OSBPL10: variants seen among roughly 807,000 people sequenced by gnomAD.
OSBPL10 encodes the protein oxysterol binding protein like 10, also known as oxysterol-binding protein-related protein 10.
In OSBPL10, 49 loss-of-function variants were observed where a neutral mutation model predicts 81.7. That is an observed-to-expected ratio of 0.60 (90% CI 0.48 to 0.76). The LOEUF (loss-of-function observed/expected upper bound fraction) is 0.76. OSBPL10 is among the 30% of genes least tolerant of loss of function. The pLI is 0.00. For missense variants in OSBPL10, 923 were observed against 987.8 expected, an observed-to-expected ratio of 0.93 and a Z score of 0.88; for synonymous variants, 419 against 383.6, an observed-to-expected ratio of 1.09 and a Z score of -1.08.
intron 8 of OSBPL10, among the ~76,000 whole-genome samples, chr3:31,679,354 C>T (rs550915282): frequency 8.5e-5 from 13 of 152,268 alleles, no homozygotes; most frequent in South Asian, 6.2e-4. Context: ...GTCTTCTCTC[C>T]GACCCTCCTG....
chr3:31,837,754 A>G (rs1041193431), intron 3 of OSBPL10, among the ~76,000 whole-genome samples: 43 of 152,236 alleles, frequency 2.8e-4, no homozygotes, highest in African/African-American at 8.4e-4. Context: ...ATCAGAAAAT[A>G]GAAAATAAGA....
intron 1 of OSBPL10, among the ~76,000 whole-genome samples, chr3:31,980,501 TTCAC>T (rs2125505578): frequency 6.6e-6 from 1 of 152,302 alleles, no homozygotes; most frequent in Non-Finnish European, 1.5e-5. Flanking sequence ...CTAACGCTTT[TTCAC>T]CCCGGCACAA....
chr3:31,954,788 ATT>A (rs1301087190), intron 1 of OSBPL10, among the ~76,000 whole-genome samples: 14 of 152,262 alleles, frequency 9.2e-5, no homozygotes, highest in Non-Finnish European at 2.1e-4. Flanking sequence ...GAAAACAAAT[ATT>A]GTTAATGATA....
chr3:31,965,666 ATTTTATATAAT>A (rs1698346230), intron 1 of OSBPL10, among the ~76,000 whole-genome samples: 1 of 39,488 alleles, frequency 2.5e-5, no homozygotes, highest in Non-Finnish European at 4.3e-5. Flanking sequence ...TATATTATAT[ATTTTATATAAT>A]ATATATTATA....
chr3:31,809,385 C>T (rs940613476), intron 4 of OSBPL10, among the ~76,000 whole-genome samples: 12 of 152,268 alleles, frequency 7.9e-5, no homozygotes, highest in Admixed American at 7.2e-4. Context: ...TTAAAAGGAA[C>T]ATGTAGGATC....
At chr3:31,916,487 A>G (rs1696761618) in intron 1 of OSBPL10, among the ~76,000 whole-genome samples, 1 of 152,226 alleles carries the variant, frequency 6.6e-6, no homozygotes, top group African/African-American at 2.4e-5. Flanking sequence ...TCTCATGAGC[A>G]GTCAGAAGTA....
intron 3 of OSBPL10, among the ~76,000 whole-genome samples, chr3:31,832,428 T>A (rs1189692250): frequency 2.6e-5 from 4 of 152,328 alleles, no homozygotes; most frequent in Non-Finnish European, 5.9e-5. Context: ...ATACTTCATC[T>A]CAGCTTGAGA....
chr3:31,934,816 A>C (rs1697341963), intron 1 of OSBPL10, among the ~76,000 whole-genome samples: 1 of 152,218 alleles, frequency 6.6e-6, no homozygotes, highest in South Asian at 2.1e-4. Flanking sequence ...ATTACTGCTT[A>C]CTATATATCA....
At chr3:31,923,147 C>A (rs907864328) in intron 1 of OSBPL10, among the ~76,000 whole-genome samples, 1 of 152,170 alleles carries the variant, frequency 6.6e-6, no homozygotes, top group East Asian at 1.9e-4. Flanking sequence ...CCACTCTCCT[C>A]TTATTGAAGA....
Position 31,661,901 on chromosome 3 carries a change from C to G in OSBPL10, c.*171G>C. On this transcript the variant is annotated 3_prime_UTR_variant, in exon 12 of 12. Coordinates refer to ENST00000396556, the MANE Select transcript of OSBPL10 (RefSeq NM_017784.5). ...ATGGCTCTTGAATAAATTCATTCCT[C>G]TAGCAGAGTGTGGGGGTGCACTTTT... is the stretch of plus-strand genomic sequence containing the variant. 1.0e-6 allele frequency: 1 copy of G among 955,578 alleles called. No homozygotes were observed. The highest frequency in any genetic ancestry group is 1.5e-6 in the Non-Finnish European group (1 of 656,508). The allele number at this position is 955,578 out of a possible 1,614,324, so 59.2% of individuals were successfully genotyped here. A position where few individuals can be genotyped will look rare whatever the true frequency, so the allele number is the denominator to read the frequency against.
At chr3:31,823,730 C>A (rs11707569) in intron 4 of OSBPL10, among the ~76,000 whole-genome samples, 1 of 151,896 alleles carries the variant, frequency 6.6e-6, no homozygotes, top group Non-Finnish European at 1.5e-5. Context: ...TTGTTTTGTA[C>A]GAAGTCTTTG....
rs188482424 is a variant in OSBPL10 at position 31,829,302 on chromosome 3, T to C, written c.729+738A>G. 3.7e-3 allele frequency among the ~76,000 whole-genome samples: 558 copies of C among 152,302 alleles called. 5 individuals are homozygous for C. Among genetic ancestry groups the C allele is most frequent in the Middle Eastern group, 0.027 (8 of 294 alleles). On this transcript the variant is annotated intron_variant, in intron 4 of 11. Transcript: ENST00000396556. ...CATTTATTTGAGAGTCTGTTCTCTA[T>C]AACAGCTGCAGAGGATGACAGGGAT...
chr3:31,902,808 C>T (rs1296156084), intron 1 of OSBPL10, among the ~76,000 whole-genome samples: 7 of 152,194 alleles, frequency 4.6e-5, no homozygotes, highest in Non-Finnish European at 7.3e-5. Flanking sequence ...TCGTGATCCA[C>T]CCGCCTTGGC....
intron 1 of OSBPL10, among the ~76,000 whole-genome samples, chr3:31,885,210 C>T (rs1335592432): frequency 6.6e-6 from 1 of 152,152 alleles, no homozygotes; most frequent in Non-Finnish European, 1.5e-5. Context: ...CTGATGCCCA[C>T]AAACATACAT....
chr3:31,832,323 T>G (rs1211218474), intron 3 of OSBPL10, among the ~76,000 whole-genome samples: 3 of 152,218 alleles, frequency 2.0e-5, no homozygotes, highest in Admixed American at 6.5e-5. Flanking sequence ...TTTTTCACTG[T>G]CTACTTTTTA....
intron 1 of OSBPL10, among the ~76,000 whole-genome samples, chr3:31,961,736 T>C (rs1698169665): frequency 1.3e-5 from 2 of 151,812 alleles, no homozygotes; most frequent in Non-Finnish European, 2.9e-5. Flanking sequence ...GAGTATTAAA[T>C]TTCATTTTAA....
chr3:31,982,198 T>G, upstream of OSBPL10, among the ~76,000 whole-genome samples: 1 of 152,152 alleles, frequency 6.6e-6, no homozygotes, highest in East Asian at 1.9e-4. Flanking sequence ...TTACAAACAT[T>G]GAAGGATTCT....
At chr3:31,712,382 G>A (rs1696288010) in intron 6 of OSBPL10, among the ~76,000 whole-genome samples, 1 of 152,204 alleles carries the variant, frequency 6.6e-6, no homozygotes, top group African/African-American at 2.4e-5. Context: ...GTGACAAGGG[G>A]GCTTTACACA....
intron 5 of OSBPL10, among the ~76,000 whole-genome samples, chr3:31,745,280 G>A (rs1259669515): frequency 2.6e-5 from 4 of 152,158 alleles, no homozygotes; most frequent in Admixed American, 1.3e-4. Context: ...AGAGGAGAGT[G>A]TCCTTTTTTC....
Sources: allele counts gnomAD v4.1 joint callset (sites outside exome capture counted in the v4.1 genomes callset), GRCh38; gene constraint gnomAD v4.1.1; transcripts MANE v1.5; gene names NCBI Gene and HGNC (gene_info 2026-07-23, HGNC 2026-07-21).